The following RRAS2 variants were observed in gnomAD, a reference collection of about 807,000 sequenced individuals.
RRAS2 encodes the protein ras-related protein R-Ras2.
A neutral mutation model predicts 27.6 loss-of-function variants in RRAS2; 7 were observed. The observed-to-expected ratio is 0.25, with a 90% confidence interval of 0.14 to 0.48. RRAS2 has a LOEUF of 0.48. RRAS2 is among the 20% of genes least tolerant of loss of function. The pLI, the probability that RRAS2 is intolerant of heterozygous loss-of-function variation, is 0.99. For synonymous variants in RRAS2, 86 were observed against 90.9 expected, an observed-to-expected ratio of 0.95 and a Z score of 0.31; for missense variants, 178 against 256.2, an observed-to-expected ratio of 0.69 and a Z score of 2.08.
chr11:14,331,787 C>A (rs1848486393), intron 1 of RRAS2, among the ~76,000 whole-genome samples: 1 of 151,318 alleles, frequency 6.6e-6, no homozygotes, highest in Non-Finnish European at 1.5e-5. Flanking sequence ...AAGAAACTAT[C>A]TGTAATACAC....
intron 1 of RRAS2, among the ~76,000 whole-genome samples, chr11:14,322,786 G>A (rs1319776788): frequency 1.3e-5 from 2 of 152,104 alleles, no homozygotes; most frequent in Non-Finnish European, 2.9e-5. Context: ...CGGATTAAAT[G>A]TTAAAAATAA....
intron 1 of RRAS2, among the ~76,000 whole-genome samples, chr11:14,297,559 C>G (rs1315250155): frequency 1.3e-5 from 2 of 152,078 alleles, no homozygotes; most frequent in East Asian, 3.9e-4. Flanking sequence ...CCCAGGAGTT[C>G]CAGACTAGCC....
exon 1 of RRAS2, chr11:14,364,461 T>A: frequency 2.0e-6 from 3 of 1,465,486 alleles, no homozygotes; most frequent in Non-Finnish European, 9.2e-7. Context: ...AATGAATGGC[T>A]GGCAGAGAAT....
intron 1 of RRAS2, among the ~76,000 whole-genome samples, chr11:14,313,506 G>C (rs1848026442): frequency 6.6e-6 from 1 of 152,174 alleles, no homozygotes; most frequent in Non-Finnish European, 1.5e-5. Context: ...CCTAATGCCT[G>C]GTACCTATGA....
chr11:14,290,285 T>C (rs1564955986), intron 4 of RRAS2, among the ~76,000 whole-genome samples: 2 of 152,050 alleles, frequency 1.3e-5, no homozygotes, highest in African/African-American at 2.4e-5. Flanking sequence ...CTATCTCTAC[T>C]AAAAATATAA....
chr11:14,281,903 A>G, intron 4 of RRAS2, among the ~76,000 whole-genome samples, 183 bp from the exon 5 acceptor site: 1 of 152,258 alleles, frequency 6.6e-6, no homozygotes, highest in East Asian at 1.9e-4. Context: ...AATGCAGAAG[A>G]ACATATCTGT....
At chr11:14,342,413 T>C (rs1554953399) in intron 1 of RRAS2, among the ~76,000 whole-genome samples, 2 of 152,238 alleles carry the variant, frequency 1.3e-5, no homozygotes, top group Non-Finnish European at 2.9e-5. Context: ...GACGATGCCA[T>C]GCTGCCTTCC....
intron 1 of RRAS2, among the ~76,000 whole-genome samples, chr11:14,340,382 T>C (rs1046934815): frequency 1.3e-5 from 2 of 151,642 alleles, no homozygotes; most frequent in Admixed American, 1.3e-4. Context: ...ATTACAGGAG[T>C]GAGCCACCGC....
At chr11:14,349,596 T>C (rs917112057) in intron 1 of RRAS2, among the ~76,000 whole-genome samples, 2 of 152,150 alleles carry the variant, frequency 1.3e-5, no homozygotes, top group Admixed American at 1.3e-4. Flanking sequence ...TGGCTCCCAT[T>C]TTCCACAATA....
In RRAS2 at chr11:14,320,726, AGGAT is replaced by A. The variant is rs781852207; in HGVS notation, c.109-24875_109-24872del. Among the ~76,000 whole-genome samples, 5 of 152,370 alleles carry A rather than the reference AGGAT, an allele frequency of 3.3e-5. No homozygotes were observed. The East Asian group carries it at 5.8e-4, about 18-fold the overall frequency. On this transcript the variant is annotated intron_variant, in intron 1 of 5. Transcript: ENST00000256196. Reference sequence around the variant, plus strand: ...AACATACTATTAATTTATTTTAAATAGGATGGATTGGTAAAAATAAAAATATAAA... The same window carrying A: ...AACATACTATTAATTTATTTTAAATAGGATTGGTAAAAATAAAAATATAAA...
intron 1 of RRAS2, among the ~76,000 whole-genome samples, chr11:14,342,474 A>T (rs1848733791): frequency 6.6e-6 from 1 of 152,192 alleles, no homozygotes; most frequent in Non-Finnish European, 1.5e-5. Context: ...TAATTACTTC[A>T]ATGTATTTTT....
intron 1 of RRAS2, among the ~76,000 whole-genome samples, chr11:14,309,813 A>G (rs1294672107): frequency 6.6e-6 from 1 of 151,922 alleles, no homozygotes; most frequent in Non-Finnish European, 1.5e-5. Context: ...GGAGACTTGC[A>G]GGCCAGAGTG....
At chr11:14,320,421 G>T (rs1169195537) in intron 1 of RRAS2, among the ~76,000 whole-genome samples, 1 of 152,208 alleles carries the variant, frequency 6.6e-6, no homozygotes, top group Non-Finnish European at 1.5e-5. Context: ...TCTGAGACGG[G>T]AAAGTAATCA....
At chr11:14,331,441 T>C (rs1305760683) in intron 1 of RRAS2, among the ~76,000 whole-genome samples, 2 of 152,168 alleles carry the variant, frequency 1.3e-5, no homozygotes, top group Non-Finnish European at 2.9e-5. Flanking sequence ...AGGATACTTA[T>C]ATAACTTATC....
intron 4 of RRAS2, among the ~76,000 whole-genome samples, chr11:14,285,076 T>C (rs1554944861): frequency 1.3e-5 from 2 of 152,250 alleles, no homozygotes; most frequent in Admixed American, 6.5e-5. Context: ...AGTTGTCTTC[T>C]TTCTCTACCT....
intron 1 of RRAS2, among the ~76,000 whole-genome samples, chr11:14,304,775 C>T (rs1431593543): frequency 6.6e-6 from 1 of 152,230 alleles, no homozygotes; most frequent in African/African-American, 2.4e-5. Flanking sequence ...CTAGAGAAGA[C>T]TGCAGCAACT....
intron 1 of RRAS2, among the ~76,000 whole-genome samples, chr11:14,302,530 G>T (rs1305594660): frequency 6.6e-6 from 1 of 152,142 alleles, no homozygotes; most frequent in Non-Finnish European, 1.5e-5. Context: ...ACAGAAAAGG[G>T]CAAGAACAGC....
chr11:14,327,656 A>G (rs1410345144), intron 1 of RRAS2, among the ~76,000 whole-genome samples: 3 of 152,218 alleles, frequency 2.0e-5, no homozygotes, highest in African/African-American at 7.2e-5. Context: ...TTTAATAAAA[A>G]TTGACACAAC....
Position 14,312,154 on chromosome 11 carries a change from T to G in RRAS2, c.109-16299A>C, listed in dbSNP as rs1591463564. Among the ~76,000 whole-genome samples, 3 of 152,276 alleles carry G rather than the reference T, an allele frequency of 2.0e-5. No homozygotes were observed. In the South Asian group the frequency reaches 6.2e-4, roughly 32 times the overall value. On this transcript the variant is annotated intron_variant, in intron 1 of 5. Transcript: ENST00000256196. ...TGCTGGGATTACAGGTGTGAGCCAC[T>G]GTGCCCGGCCTGAAAAACTCTTAAT...
Sources: allele counts gnomAD v4.1 joint callset (sites outside exome capture counted in the v4.1 genomes callset), GRCh38; gene constraint gnomAD v4.1.1; transcripts MANE v1.5; gene names NCBI Gene and HGNC (gene_info 2026-07-23, HGNC 2026-07-21).